Variants in ARFGEF3 observed in about 807,000 individuals in gnomAD.
ARFGEF3 encodes the protein ARFGEF family member 3, also known as brefeldin A-inhibited guanine nucleotide-exchange protein 3.
Under a neutral mutation model 221.7 loss-of-function variants are expected in ARFGEF3, and 96 were observed. The observed-to-expected ratio is 0.43, with a 90% CI of 0.37 to 0.51. The LOEUF is 0.51. Ranked by LOEUF, ARFGEF3 falls within the 20% of genes least tolerant of loss-of-function variation. ARFGEF3 has a pLI of 0.00. For missense variants in ARFGEF3, 2,410 were observed against 2,789.9 expected (o/e 0.86, Z 3.07); for synonymous variants, 1,145 against 1,126.8 (o/e 1.02, Z -0.32).
chr6:138,261,728 T>G (rs1161195046), intron 11 of ARFGEF3, 89 bp downstream of exon 11: 4 of 591,786 alleles, frequency 6.8e-6, no homozygotes, highest in Non-Finnish European at 1.1e-5. Context: ...TTTTAAAAAA[T>G]TCTACATTAT....
At chr6:138,266,483 C>T (rs1778894261) in intron 12 of ARFGEF3, among the ~76,000 whole-genome samples, 1 of 152,126 alleles carries the variant, frequency 6.6e-6, no homozygotes, top group African/African-American at 2.4e-5. Flanking sequence ...AAACAATCCT[C>T]CTGCCTTTGT....
chr6:138,326,979 T>C (rs997470941), intron 31 of ARFGEF3, among the ~76,000 whole-genome samples: 6 of 152,222 alleles, frequency 3.9e-5, no homozygotes, highest in Non-Finnish European at 5.9e-5. Context: ...GAGGCCATTA[T>C]CCTCAGCAAA....
In ARFGEF3 at chr6:138,317,792, T is replaced by C. The variant is rs1779952713; in HGVS notation, c.4474+413T>C. Among the ~76,000 whole-genome samples the C allele has an allele frequency of 2.6e-5, 4 of 152,182 alleles. No homozygotes were observed. The South Asian group carries it at 6.2e-4, about 24-fold the overall frequency. ...GGGCTTACTGGGTCTTCCAGTAATATAAACCACTTTCAGCTATATGCGGTA... is the reference window on the plus strand; with the variant it reads ...GGGCTTACTGGGTCTTCCAGTAATACAAACCACTTTCAGCTATATGCGGTA... On this transcript the variant is annotated intron_variant, in intron 27 of 33. Coordinates refer to ENST00000251691, the MANE Select transcript of ARFGEF3 (RefSeq NM_020340.5).
In ARFGEF3 at chr6:138,336,590, A is replaced by G; in HGVS notation, c.*104A>G. The G allele has an allele frequency of 2.2e-6, 2 of 898,082 alleles. No homozygotes were observed. Among genetic ancestry groups the G allele is most frequent in the Non-Finnish European group, 3.3e-6 (2 of 603,354 alleles). The allele number at this position is 898,082 out of a possible 1,614,324, so 55.6% of individuals were successfully genotyped here. ...CACCACTAGCCCCACTTAAACTACT[A>G]CTACTGTCTCAGAGAACAGTGTTTC... On this transcript the variant is annotated 3_prime_UTR_variant, in exon 34 of 34. Transcript: ENST00000251691.
rs757363461 is a variant in ARFGEF3 at position 138,263,195 on chromosome 6, A to C, written c.1712A>C (p.Tyr571Ser). 6.2e-7 allele frequency: 1 copy of C among 1,613,898 alleles called. No homozygotes were observed. Among genetic ancestry groups the C allele is most frequent in the African/African-American group, 1.3e-5 (1 of 74,924 alleles). Reference sequence around the variant, plus strand: ...GTGCAGAGAAGCCACACGGTCCCTTACCCTGACATAACTAACTTCCTGTCA... The same window carrying C: ...GTGCAGAGAAGCCACACGGTCCCTTCCCCTGACATAACTAACTTCCTGTCA... ...DVVQRSHTVP[Y>S]PDITNFLSVD... Residue 571 changes from tyrosine to serine, a missense_variant, in exon 12 of 34, where the codon TAC becomes TCC. Tyr to Ser is a moderately radical substitution (Grantham distance 144). Around this residue, in one of 5 missense-constraint regions of ARFGEF3, gnomAD observed 594 missense variants for 734.3 expected, o/e 0.81. Transcript: ENST00000251691.
intron 1 of ARFGEF3, 49 bp from the exon 2 acceptor site, chr6:138,170,612 AT>A (rs755223652): frequency 1.0e-6 from 1 of 968,308 alleles, no homozygotes; most frequent in Admixed American, 1.8e-5. Flanking sequence ...TACAATGTAT[AT>A]TCTCAGTGTT....
intron 6 of ARFGEF3, 22 bp from the exon 7 acceptor site, chr6:138,242,926 TTGTG>T (rs756980794): frequency 1.3e-6 from 2 of 1,591,800 alleles, no homozygotes; most frequent in Admixed American, 1.7e-5. Flanking sequence ...AATCTCCTAA[TTGTG>T]TGTGTGTATC....
chr6:138,197,265 G>A (rs1029035329), intron 2 of ARFGEF3, among the ~76,000 whole-genome samples: 3 of 152,158 alleles, frequency 2.0e-5, no homozygotes, highest in East Asian at 3.8e-4. Context: ...CCCACTGGAA[G>A]GTCTTCAGGG....
rs1379940700 is a variant in ARFGEF3, at chr6:138,292,012, C to T, written c.3327C>T (p.Ser1109=). Residue 1109 remains serine, a synonymous_variant, in exon 19 of 34, where the codon AGC becomes AGT. Coordinates refer to ENST00000251691, the MANE Select transcript of ARFGEF3 (RefSeq NM_020340.5). ...GCGGGAGCCTCATGAGCGGGAGCAG[C>T]GCGGCCAAGGTGGTGCTCACCCTCT... ...FRGGSLMSGS[S]AAKVVLTLST... 5 of 1,523,646 alleles carry T rather than the reference C, an allele frequency of 3.3e-6. No homozygotes were observed. Among genetic ancestry groups the T allele is most frequent in the Non-Finnish European group, 4.4e-6 (5 of 1,140,932 alleles). 94.4% of individuals were successfully genotyped at this position (1,523,646 alleles called of 1,614,324 possible). A position where few individuals can be genotyped will look rare whatever the true frequency, so the allele number is the denominator to read the frequency against.
At chr6:138,181,970 T>C (rs1026211438) in intron 2 of ARFGEF3, among the ~76,000 whole-genome samples, 9 of 152,226 alleles carry the variant, frequency 5.9e-5, no homozygotes, top group Non-Finnish European at 1.2e-4. Context: ...AGTAGCTCCA[T>C]AGAGTTATTT....
intron 22 of ARFGEF3, among the ~76,000 whole-genome samples, chr6:138,300,919 A>G (rs913117544): frequency 6.6e-6 from 1 of 152,246 alleles, no homozygotes; most frequent in African/African-American, 2.4e-5. Context: ...AGATTACATC[A>G]TTCTATTAAT....
At position 138,162,146 on chromosome 6, in the gene ARFGEF3, C is replaced by A; in HGVS notation, c.60C>A (p.Ile20=). Reference sequence around the variant, plus strand: ...CGTCCGGGAGCAAGTACAAAGCCATCAAGGAGAGCTGCACCTGGGCCCTGG... The same window carrying A: ...CGTCCGGGAGCAAGTACAAAGCCATAAAGGAGAGCTGCACCTGGGCCCTGG... ...KEASGSKYKA[I]KESCTWALET... The change falls in exon 1 of 34, where the codon ATC becomes ATA. Residue 20 remains isoleucine, a synonymous_variant. Transcript: ENST00000251691. The surrounding 1 kb of genome is among the most constrained non-coding windows in gnomAD (Gnocchi z 4.7). The A allele has an allele frequency of 6.2e-7, 1 of 1,604,044 alleles. No individual in the cohort carries two copies. Among genetic ancestry groups the A allele is most frequent in the Non-Finnish European group, 8.5e-7 (1 of 1,174,932 alleles).
chr6:138,168,860 A>C (rs1463898548), intron 1 of ARFGEF3, among the ~76,000 whole-genome samples: 2 of 152,100 alleles, frequency 1.3e-5, no homozygotes, highest in African/African-American at 4.8e-5. Context: ...CCTGGCGTTT[A>C]TCATGCTTTG....
In ARFGEF3 at chr6:138,307,331, C is replaced by G. The variant is rs1330630981; in HGVS notation, c.3907C>G (p.Leu1303Val). 6.2e-6 allele frequency: 10 copies of G among 1,613,938 alleles called. No individual in the cohort carries two copies. Among genetic ancestry groups the G allele is most frequent in the Non-Finnish European group, 8.5e-6 (10 of 1,179,832 alleles). The change falls in exon 23 of 34, where the codon CTG (leucine) becomes GTG (valine). Residue 1303 changes from leucine (L) to valine (V), a missense_variant. Coordinates refer to ENST00000251691, the MANE Select transcript of ARFGEF3 (RefSeq NM_020340.5). ...QSGWRPLFSA[L>V]ETVHGGNKSE... ...GGGATGGAGACCCTTGTTCAGTGCC[C>G]TGGAAACAGTGCATGGCGGGAACAA...
intron 31 of ARFGEF3, among the ~76,000 whole-genome samples, chr6:138,326,439 A>G (rs1352242176): frequency 6.6e-6 from 1 of 152,080 alleles, no homozygotes; most frequent in Non-Finnish European, 1.5e-5. Context: ...GGAGAAAACA[A>G]CTCCATTAAA....
At chr6:138,226,096 T>C (rs867690048) in intron 4 of ARFGEF3, among the ~76,000 whole-genome samples, 2 of 152,192 alleles carry the variant, frequency 1.3e-5, no homozygotes, top group African/African-American at 4.8e-5. Context: ...GCCCTGATCA[T>C]GGTCGCTGGA....
intron 22 of ARFGEF3, among the ~76,000 whole-genome samples, chr6:138,299,802 G>C (rs1779597633): frequency 6.6e-6 from 1 of 152,180 alleles, no homozygotes; most frequent in Admixed American, 6.5e-5. Flanking sequence ...ACTTCCTGAG[G>C]ATACTATCAG....
chr6:138,282,248 C>T (rs1173350018), intron 14 of ARFGEF3, among the ~76,000 whole-genome samples: 1 of 152,202 alleles, frequency 6.6e-6, no homozygotes, highest in Non-Finnish European at 1.5e-5. Context: ...AGCCGCCGCA[C>T]CCACCCTCCC....
chr6:138,168,524 G>A (rs965445641), intron 1 of ARFGEF3, among the ~76,000 whole-genome samples: 5 of 152,212 alleles, frequency 3.3e-5, no homozygotes. Flanking sequence ...TCTGGGTCTT[G>A]ACAGGGTCTC....
Sources: allele counts gnomAD v4.1 joint callset (sites outside exome capture counted in the v4.1 genomes callset), GRCh38; gene constraint gnomAD v4.1.1; regional missense constraint gnomAD v4.1.1; non-coding constraint Gnocchi (gnomAD v3.1); transcripts MANE v1.5; gene names NCBI Gene and HGNC (gene_info 2026-07-23, HGNC 2026-07-21).